Variants in MAGI1 observed in about 807,000 individuals in gnomAD.
MAGI1 encodes the protein membrane associated guanylate kinase, WW and PDZ domain containing 1, also known as membrane-associated guanylate kinase, WW and PDZ domain-containing protein 1.
In MAGI1, 58 loss-of-function variants were observed where a neutral mutation model predicts 139.9. The ratio of observed to expected loss-of-function variants is 0.41; its 90% CI spans 0.34 to 0.52. MAGI1 has a LOEUF of 0.52. MAGI1 is among the 20% of genes least tolerant of loss of function. The pLI is 0.12. For missense variants in MAGI1, 1,874 were observed against 1,901.6 expected (o/e 0.99, Z 0.27); for synonymous variants, 812 against 737.9 (o/e 1.10, Z -1.63).
intron 2 of MAGI1, among the ~76,000 whole-genome samples, chr3:65,539,857 T>C (rs781676508): frequency 6.6e-6 from 1 of 152,196 alleles, no homozygotes; most frequent in Non-Finnish European, 1.5e-5. Context: ...CTTCTTAGCC[T>C]CAGGAACCTG....
At position 65,407,778 on chromosome 3, in the gene MAGI1, G is replaced by C. The variant is rs115456193; in HGVS notation, c.2168-6308C>G. Among the ~76,000 whole-genome samples, 723 of 152,230 alleles carry C rather than the reference G, an allele frequency of 4.7e-3. 2 individuals are homozygous for C. Among genetic ancestry groups the C allele is most frequent in the African/African-American group, 0.017 (687 of 41,550 alleles). ...TATTCTTATTTTCAGTATTTTCAAA[G>C]ATTGCTGGATTTTACACATAATGTG... On this transcript the variant is annotated intron_variant, in intron 12 of 22. Coordinates refer to ENST00000402939, the MANE Select transcript of MAGI1 (RefSeq NM_001033057.2).
intron 1 of MAGI1, among the ~76,000 whole-genome samples, chr3:65,776,065 C>A (rs2038393129): frequency 6.6e-6 from 1 of 152,038 alleles, no homozygotes; most frequent in South Asian, 2.1e-4. Flanking sequence ...CAAATCTAGT[C>A]AAATAAATTA....
chr3:65,635,469 A>G (rs926954850), intron 1 of MAGI1, among the ~76,000 whole-genome samples: 6 of 152,218 alleles, frequency 3.9e-5, no homozygotes, highest in African/African-American at 1.4e-4. Flanking sequence ...CTGCCACATC[A>G]TAAAGTTGTC....
intron 2 of MAGI1, among the ~76,000 whole-genome samples, chr3:65,497,210 GACAGAAAGATAAAATCT>G (rs1952519186): frequency 6.6e-6 from 1 of 152,080 alleles, no homozygotes; most frequent in Non-Finnish European, 1.5e-5. Context: ...GAAGGCAAGA[GACAGAAAGATAAAATCT>G]ACAGAGAGAG....
chr3:65,638,597 A>AAT lies in MAGI1; in HGVS notation c.314-16510_314-16509insAT, dbSNP rs2084785344. ...AGGAGTGCGCCACCATGCTCTCCTG[A>AAT]TTTTTTTTTTTTTTTTTTTTTTTTT... On this transcript the variant is annotated intron_variant, in intron 1 of 22. Transcript: ENST00000402939. Among the ~76,000 whole-genome samples, 7 of 40,998 alleles carry AAT rather than the reference A, an allele frequency of 1.7e-4. No individual in the cohort carries two copies. The East Asian group carries it at 5.5e-3, about 32-fold the overall frequency. The allele number at this position is 40,998 out of a possible 152,430, so 26.9% of individuals were successfully genotyped here. A position where few individuals can be genotyped will look rare whatever the true frequency, so the allele number is the denominator to read the frequency against.
intron 21 of MAGI1, among the ~76,000 whole-genome samples, chr3:65,361,828 G>A (rs1940886963): frequency 6.6e-6 from 1 of 152,174 alleles, no homozygotes; most frequent in African/African-American, 2.4e-5. Flanking sequence ...ATCCTCTGGA[G>A]TCCCATGATA....
intron 1 of MAGI1, among the ~76,000 whole-genome samples, chr3:65,864,873 A>C (rs554361967): frequency 9.2e-5 from 14 of 152,246 alleles, no homozygotes; most frequent in Admixed American, 4.6e-4. Context: ...CAATATTTTT[A>C]AAGGCTGGCA....
Position 66,012,641 on chromosome 3 carries a change from C to T in MAGI1, c.313+25355G>A, listed in dbSNP as rs555820577. On this transcript the variant is annotated intron_variant, in intron 1 of 22. Transcript: ENST00000402939. ...ATTAGCTGGGTATGGTGGTACACATCTGTAATCCCAGCTACTTGGGAGGCT... is the reference window on the plus strand; with the variant it reads ...ATTAGCTGGGTATGGTGGTACACATTTGTAATCCCAGCTACTTGGGAGGCT... Among the ~76,000 whole-genome samples, 9 of 151,972 alleles carry T rather than the reference C, an allele frequency of 5.9e-5. No individual in the cohort carries two copies. In the South Asian group the frequency reaches 1.0e-3, roughly 18 times the overall value.
intron 1 of MAGI1, among the ~76,000 whole-genome samples, chr3:65,654,448 CAAAG>C (rs1400745964): frequency 6.6e-6 from 1 of 152,060 alleles, no homozygotes; most frequent in Non-Finnish European, 1.5e-5. Context: ...TGACTGTAAA[CAAAG>C]AGAGAAAAAC....
chr3:65,407,388 AG>A (rs1200844906), intron 12 of MAGI1, among the ~76,000 whole-genome samples: 1 of 151,644 alleles, frequency 6.6e-6, no homozygotes, highest in Non-Finnish European at 1.5e-5. Flanking sequence ...CGGAGGCTGC[AG>A]TGAGCCAAGA....
chr3:65,960,003 T>C (rs2107071643), intron 1 of MAGI1, among the ~76,000 whole-genome samples: 1 of 151,024 alleles, frequency 6.6e-6, no homozygotes, highest in Admixed American at 6.6e-5. Context: ...GAGACAGGGT[T>C]TTACCGTGTT....
intron 12 of MAGI1, among the ~76,000 whole-genome samples, chr3:65,412,454 T>A (rs1945866648): frequency 6.6e-6 from 1 of 152,224 alleles, no homozygotes; most frequent in South Asian, 2.1e-4. Context: ...AAAATGACCT[T>A]GTTTACTTGT....
intron 13 of MAGI1, among the ~76,000 whole-genome samples, chr3:65,397,835 A>T (rs1309165120): frequency 6.6e-6 from 1 of 152,090 alleles, no homozygotes; most frequent in Non-Finnish European, 1.5e-5. Flanking sequence ...TGAGGTGAGG[A>T]TCTTTGTAGA....
chr3:65,541,149 G>T (rs1020706087), intron 2 of MAGI1, among the ~76,000 whole-genome samples: 1 of 151,994 alleles, frequency 6.6e-6, no homozygotes, highest in East Asian at 1.9e-4. Context: ...ACATCTCTAC[G>T]CAAATAAACC....
At chr3:65,528,956 G>A (rs1360992084) in intron 2 of MAGI1, among the ~76,000 whole-genome samples, 1 of 152,064 alleles carries the variant, frequency 6.6e-6, no homozygotes, top group Admixed American at 6.6e-5. Context: ...TGAGGTGAGA[G>A]AATCACTGGA....
chr3:65,675,233 A>G (rs769731928), intron 1 of MAGI1, among the ~76,000 whole-genome samples: 1 of 152,180 alleles, frequency 6.6e-6, no homozygotes, highest in South Asian at 2.1e-4. Context: ...GAAAAGCTCC[A>G]TATGTTCGGA....
At chr3:65,409,466 C>T (rs559000010) in intron 12 of MAGI1, among the ~76,000 whole-genome samples, 54 of 152,240 alleles carry the variant, frequency 3.5e-4, no homozygotes, top group African/African-American at 1.3e-3. Flanking sequence ...TGATGATAAG[C>T]TTTTCTTGTT....
chr3:65,724,366 G>A (rs1167759408), intron 1 of MAGI1, among the ~76,000 whole-genome samples: 1 of 152,178 alleles, frequency 6.6e-6, no homozygotes, highest in African/African-American at 2.4e-5. Context: ...CTTTCAGCAT[G>A]GGACTACCAT....
intron 1 of MAGI1, among the ~76,000 whole-genome samples, chr3:65,810,424 C>T (rs2041152316): frequency 6.6e-6 from 1 of 152,224 alleles, no homozygotes; most frequent in African/African-American, 2.4e-5. Flanking sequence ...TATTTTAAGA[C>T]AGACTGTTAA....
Sources: allele counts gnomAD v4.1 joint callset (sites outside exome capture counted in the v4.1 genomes callset), GRCh38; gene constraint gnomAD v4.1.1; transcripts MANE v1.5; gene names NCBI Gene and HGNC (gene_info 2026-07-23, HGNC 2026-07-21).